The following CPLX4 variants were observed in gnomAD, a reference collection of about 807,000 sequenced individuals.
The protein encoded by CPLX4 is complexin-4.
In CPLX4, 17 loss-of-function variants were observed where a neutral mutation model predicts 16.1. That is an observed-to-expected ratio of 1.06 (90% CI 0.72 to 1.59). CPLX4 has a LOEUF of 1.59. CPLX4 is among the 40% of genes most tolerant of loss of function. The pLI is 0.00. For synonymous variants in CPLX4, 55 were observed against 57.8 expected, an observed-to-expected ratio of 0.95 and a Z score of 0.22; for missense variants, 193 against 192.9, an observed-to-expected ratio of 1.00 and a Z score of 0.00.
chr18:59,297,379 C>T (rs1175413278), intron 2 of CPLX4, among the ~76,000 whole-genome samples: 5 of 151,924 alleles, frequency 3.3e-5, no homozygotes, highest in African/African-American at 1.2e-4. Context: ...TTGGTTCAAG[C>T]AATTCTCCTG....
chr18:59,296,863 G>T lies in CPLX4; in HGVS notation c.318C>A (p.Leu106=). The change falls in exon 3 of 3, where the codon CTC becomes CTA. Residue 106 remains leucine, a synonymous_variant. Transcript: ENST00000299721. Reference sequence around the variant, plus strand: ...CTTGATCTTCATCTACCATTTTCCGGAGATCTTCAGGTAAATCCACATCAT... The same window carrying T: ...CTTGATCTTCATCTACCATTTTCCGTAGATCTTCAGGTAAATCCACATCAT... ...AGDDVDLPED[L]RKMVDEDQEE... 1 of 1,613,480 alleles carries T rather than the reference G, an allele frequency of 6.2e-7. No homozygotes were observed. Among genetic ancestry groups the T allele is most frequent in the Non-Finnish European group, 8.5e-7 (1 of 1,179,946 alleles).
intron 2 of CPLX4, among the ~76,000 whole-genome samples, chr18:59,298,950 C>T (rs12232757): frequency 0.43 from 65,007 of 152,044 alleles, 14,131 homozygotes; most frequent in East Asian, 0.51. Context: ...GCAGGAACCA[C>T]TGATTTTGGG....
chr18:59,296,696 C>A lies in CPLX4; in HGVS notation c.*2G>T. On this transcript the variant is annotated 3_prime_UTR_variant, in exon 3 of 3. Coordinates refer to ENST00000299721, the MANE Select transcript of CPLX4 (RefSeq NM_181654.4). ...GTTCCCTCCCTCCACCCCTCCCACC[C>A]CTCACATCACGGAACACTTCTGCTC... 1 of 1,610,618 alleles carries A rather than the reference C, an allele frequency of 6.2e-7. No individual in the cohort carries two copies. The highest frequency in any genetic ancestry group is 1.1e-5 in the South Asian group (1 of 90,666).
chr18:59,305,798 C>T (rs181225227), intron 2 of CPLX4, among the ~76,000 whole-genome samples: 3 of 152,276 alleles, frequency 2.0e-5, no homozygotes, highest in Admixed American at 6.5e-5. Flanking sequence ...GTGCAGCCCT[C>T]GAGGACAATG....
intron 2 of CPLX4, among the ~76,000 whole-genome samples, chr18:59,311,635 G>A (rs1177464149): frequency 1.3e-5 from 2 of 152,132 alleles, no homozygotes; most frequent in African/African-American, 4.8e-5. Flanking sequence ...GTTCTTTAAG[G>A]GATGGCGCAT....
chr18:59,306,343 G>A (rs1603391641), intron 2 of CPLX4, among the ~76,000 whole-genome samples: 1 of 152,134 alleles, frequency 6.6e-6, no homozygotes, highest in African/African-American at 2.4e-5. Flanking sequence ...ACATAATCTG[G>A]ATATGTGTAC....
Position 59,312,746 on chromosome 18 carries a change from T to C in CPLX4, c.194A>G (p.Gln65Arg). The change falls in exon 2 of 3, where the codon CAG (glutamine) becomes CGG (arginine). Residue 65 changes from glutamine (Q) to arginine (R), a missense_variant. Gln to Arg is a conservative substitution (Grantham distance 43). Transcript: ENST00000299721. ...EKMERDAAFT[Q>R]KKAERACLRV... Reference sequence around the variant, plus strand: ...GAGGCATGCCCTTTCTGCCTTTTTCTGTGTAAATGCAGCATCTCTTTCCAT... The same window carrying C: ...GAGGCATGCCCTTTCTGCCTTTTTCCGTGTAAATGCAGCATCTCTTTCCAT... The C allele has an allele frequency of 6.9e-7, 1 of 1,441,332 alleles. No homozygotes were observed. 89.3% of individuals were successfully genotyped at this position (1,441,332 alleles called of 1,614,324 possible). A position where few individuals can be genotyped will look rare whatever the true frequency, so the allele number is the denominator to read the frequency against.
rs1220697969 is a variant in CPLX4 at position 59,312,748 on chromosome 18, TG to T, written c.191del (p.Thr64AsnfsTer47). 7.0e-7 allele frequency: 1 copy of T among 1,433,576 alleles called. No homozygotes were observed. 88.8% of individuals were successfully genotyped at this position (1,433,576 alleles called of 1,614,324 possible). On this transcript the variant is annotated frameshift_variant, in exon 2 of 3. Transcript: ENST00000299721. LOFTEE classifies it high-confidence loss of function. ...GGCATGCCCTTTCTGCCTTTTTCTG[TG>T]TAAATGCAGCATCTCTTTCCATCCT... ...EEKMERDAAF[T>X]QKKAERACLR...
At position 59,296,781 on chromosome 18, in the gene CPLX4, C is replaced by T; in HGVS notation, c.400G>A (p.Asp134Asn). The T allele has an allele frequency of 6.2e-7, 1 of 1,613,486 alleles. No homozygotes were observed. The highest frequency in any genetic ancestry group is 8.5e-7 in the Non-Finnish European group (1 of 1,179,792). Residue 134 changes from aspartate (D) to asparagine (N), a missense_variant, in exon 3 of 3, where the codon GAC (aspartate) becomes AAC (asparagine). By Grantham distance (23) the Asp-to-Asn change is conservative. Transcript: ENST00000299721. ...LGQIQNLQNM[D>N]LDTIKEKAQA... ...GCTTTTTCTTTTATGGTATCCAAGTCCATGTTCTGGAGATTCTGTATCTGC... is the reference window on the plus strand; with the variant it reads ...GCTTTTTCTTTTATGGTATCCAAGTTCATGTTCTGGAGATTCTGTATCTGC...
chr18:59,302,131 G>C (rs1201009045), intron 2 of CPLX4, among the ~76,000 whole-genome samples: 2 of 152,170 alleles, frequency 1.3e-5, no homozygotes, highest in Non-Finnish European at 2.9e-5. Flanking sequence ...TTTATACAGT[G>C]GACACAGCAG....
intron 1 of CPLX4, among the ~76,000 whole-genome samples, chr18:59,315,639 C>T (rs949057007): frequency 1.3e-5 from 2 of 152,010 alleles, no homozygotes; most frequent in Non-Finnish European, 2.9e-5. Flanking sequence ...TATTCTCCTA[C>T]TTTTTTTTCT....
chr18:59,303,690 G>T (rs910723732), intron 2 of CPLX4, among the ~76,000 whole-genome samples: 1 of 152,188 alleles, frequency 6.6e-6, no homozygotes, highest in East Asian at 1.9e-4. Context: ...ACCTCACAGG[G>T]CACTTGTGAA....
chr18:59,316,129 A>C (rs1327359942), intron 1 of CPLX4, among the ~76,000 whole-genome samples: 2 of 152,234 alleles, frequency 1.3e-5, no homozygotes, highest in African/African-American at 4.8e-5. Flanking sequence ...AAGCATAACT[A>C]TGGCAAAGAA....
intron 1 of CPLX4, among the ~76,000 whole-genome samples, chr18:59,313,747 C>T (rs935179182): frequency 6.6e-6 from 1 of 152,176 alleles, no homozygotes; most frequent in Non-Finnish European, 1.5e-5. Context: ...TTCCACTAAC[C>T]TTGTAGTCTG....
In CPLX4 at chr18:59,315,966, C is replaced by G. The variant is rs553029515; in HGVS notation, c.167+2330G>C. Among the ~76,000 whole-genome samples, 91 of 152,312 alleles carry G rather than the reference C, an allele frequency of 6.0e-4. 1 individual carries two copies. In the South Asian group the frequency reaches 0.017, roughly 29 times the overall value. On this transcript the variant is annotated intron_variant, in intron 1 of 2. Coordinates refer to ENST00000299721, the MANE Select transcript of CPLX4 (RefSeq NM_181654.4). The stretch of plus-strand genomic sequence containing the variant: ...CACATGCAGCTAGCTAGTCTCCCCC[C>G]ACCAAGTAAAGTGTAAATTCCTGCA...
chr18:59,295,417 C>T lies in CPLX4; in HGVS notation c.*1281G>A, dbSNP rs2070491927. ...GGACCATAGGTTTTGGACCTCTATTCATTTGTTTTATTTGCTTAATTTTAT... is the reference window on the plus strand; with the variant it reads ...GGACCATAGGTTTTGGACCTCTATTTATTTGTTTTATTTGCTTAATTTTAT... On this transcript the variant is annotated 3_prime_UTR_variant, in exon 3 of 3. Transcript: ENST00000299721. 1 of 152,080 alleles carries T rather than the reference C, an allele frequency of 6.6e-6. No homozygotes were observed. Among genetic ancestry groups the T allele is most frequent in the African/African-American group, 2.4e-5 (1 of 41,398 alleles). The allele number at this position is 152,080 out of a possible 1,614,324, so 9.4% of individuals were successfully genotyped here.
intron 2 of CPLX4, among the ~76,000 whole-genome samples, chr18:59,311,853 C>T (rs1235853678): frequency 6.6e-6 from 1 of 152,156 alleles, no homozygotes; most frequent in Non-Finnish European, 1.5e-5. Context: ...ACCAGGAGAC[C>T]AACGACTCAC....
At chr18:59,314,619 A>G (rs1456979307) in intron 1 of CPLX4, among the ~76,000 whole-genome samples, 1 of 152,162 alleles carries the variant, frequency 6.6e-6, no homozygotes, top group Non-Finnish European at 1.5e-5. Flanking sequence ...GATAGAAAAC[A>G]TTACTCTCAC....
chr18:59,302,664 C>T (rs1007240163), intron 2 of CPLX4, among the ~76,000 whole-genome samples: 28 of 152,164 alleles, frequency 1.8e-4, no homozygotes, highest in African/African-American at 6.8e-4. Flanking sequence ...TTAAATAGCT[C>T]CATATCCTAC....
Sources: allele counts gnomAD v4.1 joint callset (sites outside exome capture counted in the v4.1 genomes callset), GRCh38; gene constraint gnomAD v4.1.1; transcripts MANE v1.5; gene names NCBI Gene and HGNC (gene_info 2026-07-23, HGNC 2026-07-21).